Variants in FBXO16 observed in about 807,000 individuals in gnomAD.
The protein encoded by FBXO16 is F-box protein 16.
Under a neutral mutation model 41.0 loss-of-function variants are expected in FBXO16, and 31 were observed. That is an observed-to-expected ratio of 0.76 (90% CI 0.57 to 1.02). The LOEUF is 1.02. FBXO16 is among the 50% of genes least tolerant of loss of function. The probability of loss-of-function intolerance (pLI) is 0.00; values close to 1 mark genes in which losing one functional copy is unlikely to be tolerated. For missense variants in FBXO16, 361 were observed against 346.2 expected (o/e 1.04, Z -0.34); for synonymous variants, 133 against 117.8 (o/e 1.13, Z -0.84).
At chr8:28,434,841 C>A (rs112767376) in intron 7 of FBXO16, among the ~76,000 whole-genome samples, 5 of 152,234 alleles carry the variant, frequency 3.3e-5, no homozygotes, top group African/African-American at 1.2e-4. Context: ...GAGCAAGCTC[C>A]GTGCAGGGCC....
chr8:28,464,843 AG>A (rs1316269903), intron 3 of FBXO16, among the ~76,000 whole-genome samples: 2 of 152,066 alleles, frequency 1.3e-5, no homozygotes, highest in East Asian at 3.9e-4. Flanking sequence ...TAGTAGAGAC[AG>A]GGTTTCACCA....
At chr8:28,487,988 G>A (rs1006760943) in intron 1 of FBXO16, among the ~76,000 whole-genome samples, 7 of 152,028 alleles carry the variant, frequency 4.6e-5, no homozygotes, top group Admixed American at 4.6e-4. Context: ...AAGTAGCTGG[G>A]ATTATAGGCG....
intron 3 of FBXO16, among the ~76,000 whole-genome samples, chr8:28,465,731 G>A (rs1208274672): frequency 2.0e-5 from 3 of 152,152 alleles, no homozygotes; most frequent in Admixed American, 6.5e-5. Flanking sequence ...ACTTTCTTAC[G>A]CCAGCTCAGA....
Position 28,483,413 on chromosome 8 carries a change from C to T in FBXO16, c.34G>A (p.Gly12Ser), listed in dbSNP as rs1304254670. The part of the protein sequence containing the change: ...MAFAPPKNTD[G>S]PKMQTKMSTW... ...CTCATCTTTGTCTGCATTTTGGGAC[C>T]ATCTGTGTTTTTTGGAGGTGCAAAT... Residue 12 changes from glycine to serine, a missense_variant, in exon 2 of 9, where the codon GGT becomes AGT. Transcript: ENST00000380254. 1.2e-6 allele frequency: 2 copies of T among 1,613,850 alleles called. No individual in the cohort carries two copies. Among genetic ancestry groups the T allele is most frequent in the Non-Finnish European group, 1.7e-6 (2 of 1,179,992 alleles).
At chr8:28,433,182 T>C (rs1563356224) in intron 7 of FBXO16, among the ~76,000 whole-genome samples, 1 of 152,080 alleles carries the variant, frequency 6.6e-6, no homozygotes, top group African/African-American at 2.4e-5. Flanking sequence ...TTCAAAGATA[T>C]TTTTCTCATC....
intron 7 of FBXO16, among the ~76,000 whole-genome samples, chr8:28,445,757 T>A (rs1349754191): frequency 6.6e-6 from 1 of 152,210 alleles, no homozygotes; most frequent in Non-Finnish European, 1.5e-5. Context: ...CTTTCTTTTT[T>A]CTTTTTTTTG....
chr8:28,452,514 T>TA (rs35042301), intron 5 of FBXO16, 38 bp from the exon 6 acceptor site: 57,955 of 1,598,480 alleles, frequency 0.036, 1,183 homozygotes, highest in African/African-American at 0.049. Context: ...CAAAACACTA[T>TA]AATACGCTGG....
intron 8 of FBXO16, 148 bp downstream of exon 8, chr8:28,429,230 G>A (rs1392736256): frequency 3.3e-5 from 25 of 763,698 alleles, no homozygotes; most frequent in Non-Finnish European, 3.8e-5. Context: ...TGATCCTCTC[G>A]CCTCTGCCTC....
At chr8:28,454,149 G>C (rs6984074) in intron 5 of FBXO16, among the ~76,000 whole-genome samples, 63,084 of 151,672 alleles carry the variant, frequency 0.42, 14,040 homozygotes, top group East Asian at 0.55. Flanking sequence ...CTGGGCGACA[G>C]AGTGAAATTT....
rs1803045812 is a variant in FBXO16 at position 28,456,801 on chromosome 8, G to T, written c.472C>A (p.Gln158Lys). 1 of 1,613,964 alleles carries T rather than the reference G, an allele frequency of 6.2e-7. No individual in the cohort carries two copies. Among genetic ancestry groups the T allele is most frequent in the East Asian group, 2.2e-5 (1 of 44,902 alleles). ...EQGIWKKHYIQMVKELHITKP... is the reference protein window; with the variant it reads ...EQGIWKKHYIKMVKELHITKP... ...GTAATATGAAGTTCTTTCACCATTTGAATATAGTGCTTCTTCCAGATCCCC... is the reference window on the plus strand; with the variant it reads ...GTAATATGAAGTTCTTTCACCATTTTAATATAGTGCTTCTTCCAGATCCCC... Residue 158 changes from glutamine to lysine, a missense_variant, in exon 5 of 9, where the codon CAA becomes AAA. By Grantham distance (53) the Gln-to-Lys change is moderately conservative. Transcript: ENST00000380254.
chr8:28,468,257 C>CT (rs2130169382), intron 3 of FBXO16, among the ~76,000 whole-genome samples: 1 of 152,188 alleles, frequency 6.6e-6, no homozygotes, highest in South Asian at 2.1e-4. Flanking sequence ...TGAAGGATGC[C>CT]TTTTTTAAGG....
At chr8:28,481,811 GAAA>G (rs71549671) in intron 2 of FBXO16, among the ~76,000 whole-genome samples, 2 of 130,908 alleles carry the variant, frequency 1.5e-5, no homozygotes, top group African/African-American at 2.9e-5. Flanking sequence ...TCTGTTTCAG[GAAA>G]AAAAAAAAAA....
intron 4 of FBXO16, among the ~76,000 whole-genome samples, chr8:28,458,757 T>C (rs1803078842): frequency 6.6e-6 from 1 of 151,960 alleles, no homozygotes; most frequent in Non-Finnish European, 1.5e-5. Context: ...TCTCCTCTTC[T>C]TTAGATCACG....
At chr8:28,450,898 C>T (rs749867477) in intron 6 of FBXO16, among the ~76,000 whole-genome samples, 5 of 151,958 alleles carry the variant, frequency 3.3e-5, no homozygotes, top group Admixed American at 6.6e-5. Flanking sequence ...AGAGACCAGC[C>T]TGGGCAACAT....
At chr8:28,481,680 T>C (rs1199529218) in intron 2 of FBXO16, among the ~76,000 whole-genome samples, 2 of 151,862 alleles carry the variant, frequency 1.3e-5, no homozygotes, top group Non-Finnish European at 2.9e-5. Context: ...TGTGGTAGTG[T>C]GCGCCTGTAG....
Position 28,452,486 on chromosome 8 carries a change from GAA to G in FBXO16, c.508-12_508-11del. The stretch of plus-strand genomic sequence containing the variant: ...CATCCTTTGGGGGTGTCTAGAAGAA[GAA>G]AGTTAATTATGTTCTCAAAACACTA... On this transcript the variant is annotated splice_polypyrimidine_tract_variant and intron_variant, in intron 5 of 8. Coordinates refer to ENST00000380254, the MANE Select transcript of FBXO16 (RefSeq NM_172366.4). 3.1e-6 allele frequency: 5 copies of G among 1,612,420 alleles called. No homozygotes were observed. Among genetic ancestry groups the G allele is most frequent in the Non-Finnish European group, 4.2e-6 (5 of 1,179,422 alleles).
At chr8:28,488,908 A>G (rs1348808821) in intron 1 of FBXO16, among the ~76,000 whole-genome samples, 1 of 152,098 alleles carries the variant, frequency 6.6e-6, no homozygotes, top group African/African-American at 2.4e-5. Context: ...CACTGAACTC[A>G]TGGCCACTCT....
intron 2 of FBXO16, among the ~76,000 whole-genome samples, chr8:28,478,555 T>A (rs1268750277): frequency 6.6e-6 from 1 of 152,154 alleles, no homozygotes; most frequent in Non-Finnish European, 1.5e-5. Context: ...CTGGGCACAG[T>A]GACTCATGCC....
intron 3 of FBXO16, among the ~76,000 whole-genome samples, chr8:28,465,960 C>G (rs1803231742): frequency 6.6e-6 from 1 of 152,118 alleles, no homozygotes. Context: ...AATGGCCTTC[C>G]ATAAATTTTA....
Sources: allele counts gnomAD v4.1 joint callset (sites outside exome capture counted in the v4.1 genomes callset), GRCh38; gene constraint gnomAD v4.1.1; transcripts MANE v1.5; gene names NCBI Gene and HGNC (gene_info 2026-07-23, HGNC 2026-07-21).